The following ZNF804A variants were observed in gnomAD, a reference collection of about 807,000 sequenced individuals.
The protein encoded by ZNF804A is zinc finger protein 804A.
In ZNF804A, 2 loss-of-function variants were observed where a neutral mutation model predicts 16.5. That is an observed-to-expected ratio of 0.12 (90% CI 0.05 to 0.38). The LOEUF (loss-of-function observed/expected upper bound fraction) is 0.38, where lower values mean the gene tolerates loss of function less well. Ranked by LOEUF, ZNF804A falls within the 10% of genes least tolerant of loss-of-function variation. The pLI, the probability that ZNF804A is intolerant of heterozygous loss-of-function variation, is 0.99. For missense variants in ZNF804A, 1,473 were observed against 1,390.7 expected (o/e 1.06, Z -0.94); for synonymous variants, 534 against 489.6 (o/e 1.09, Z -1.20).
intron 1 of ZNF804A, among the ~76,000 whole-genome samples, chr2:184,715,731 C>G (rs1251585918): frequency 1.3e-5 from 2 of 151,996 alleles, no homozygotes; most frequent in Non-Finnish European, 2.9e-5. Context: ...GACAATTATT[C>G]TATCATGTTC....
At chr2:184,797,754 T>A (rs1694656218) in intron 1 of ZNF804A, among the ~76,000 whole-genome samples, 1 of 152,024 alleles carries the variant, frequency 6.6e-6, no homozygotes, top group South Asian at 2.1e-4. Context: ...TACCTTGGAT[T>A]TTTTGCTCTT....
chr2:184,732,154 G>A (rs1339563672), intron 1 of ZNF804A, among the ~76,000 whole-genome samples: 1 of 151,596 alleles, frequency 6.6e-6, no homozygotes, highest in African/African-American at 2.4e-5. Flanking sequence ...TTCTTTCTAT[G>A]TTATCTTCTA....
At position 184,598,613 on chromosome 2, in the gene ZNF804A, T is replaced by C; in HGVS notation, c.-347T>C. 5.9e-6 allele frequency: 1 copy of C among 170,818 alleles called. No individual in the cohort carries two copies. The highest frequency in any genetic ancestry group is 1.2e-5 in the Non-Finnish European group (1 of 80,646). 10.6% of individuals were successfully genotyped at this position (170,818 alleles called of 1,614,324 possible). On this transcript the variant is annotated 5_prime_UTR_variant, in exon 1 of 4. Coordinates refer to ENST00000302277, the MANE Select transcript of ZNF804A (RefSeq NM_194250.2). ...GCGCGGGCGGCTCCCGCAGCCCCGC[T>C]CCGCCCGGCCACCGCGCGGGCACTG...
chr2:184,852,379 G>A (rs184625830), intron 1 of ZNF804A, among the ~76,000 whole-genome samples: 199 of 150,572 alleles, frequency 1.3e-3, no homozygotes, highest in Middle Eastern at 3.4e-3. Flanking sequence ...TATTTTTCCT[G>A]TCCTGTTGGT....
chr2:184,620,532 G>A (rs1382734931), intron 1 of ZNF804A, among the ~76,000 whole-genome samples: 1 of 151,732 alleles, frequency 6.6e-6, no homozygotes, highest in Non-Finnish European at 1.5e-5. Flanking sequence ...TCATCAGATT[G>A]AATTAAACAG....
intron 1 of ZNF804A, among the ~76,000 whole-genome samples, chr2:184,723,479 A>G (rs984191657): frequency 1.3e-5 from 2 of 151,804 alleles, no homozygotes; most frequent in Non-Finnish European, 3.0e-5. Context: ...CATACATCAT[A>G]GAAGTTACTT....
intron 2 of ZNF804A, among the ~76,000 whole-genome samples, chr2:184,924,796 C>T (rs1057484980): frequency 1.6e-4 from 25 of 151,888 alleles, no homozygotes; most frequent in African/African-American, 5.8e-4. Context: ...TCTTTATTGA[C>T]CTACTGATCA....
chr2:184,935,654 G>C, intron 3 of ZNF804A, 129 bp from the exon 4 acceptor site: 1 of 1,067,836 alleles, frequency 9.4e-7, no homozygotes, highest in Non-Finnish European at 1.3e-6. Context: ...ACCATATGAA[G>C]GCAATTCTGT....
At chr2:184,728,131 A>C (rs1021168460) in intron 1 of ZNF804A, among the ~76,000 whole-genome samples, 38 of 151,758 alleles carry the variant, frequency 2.5e-4, no homozygotes, top group African/African-American at 8.4e-4. Flanking sequence ...AAAAATGAAG[A>C]AGGTATTTAC....
chr2:184,762,111 T>C (rs1219895133), intron 1 of ZNF804A, among the ~76,000 whole-genome samples: 1 of 151,988 alleles, frequency 6.6e-6, no homozygotes, highest in Non-Finnish European at 1.5e-5. Flanking sequence ...TCACATTGTC[T>C]CCTCCTTCAT....
intron 1 of ZNF804A, among the ~76,000 whole-genome samples, chr2:184,804,021 C>A (rs1209642434): frequency 1.3e-5 from 2 of 152,008 alleles, no homozygotes; most frequent in Non-Finnish European, 2.9e-5. Context: ...CGCCAACATG[C>A]CTGGCTAATT....
In ZNF804A at chr2:184,880,467, T is replaced by TA. The variant is rs1558991081; in HGVS notation, c.255+13955_255+13956insA. 7.7e-3 allele frequency among the ~76,000 whole-genome samples: 1,163 copies of TA among 151,942 alleles called. 19 individuals carry two copies. The highest frequency in any genetic ancestry group is 0.027 in the African/African-American group (1,125 of 41,414). On this transcript the variant is annotated intron_variant, in intron 2 of 3. Coordinates refer to ENST00000302277, the MANE Select transcript of ZNF804A (RefSeq NM_194250.2). ...AGCTTCTATTGTTAAGACACATTTT[T>TA]TAAAAAAAAATTAGACTTGGGAGAA...
At chr2:184,907,467 C>T (rs1685294965) in intron 2 of ZNF804A, among the ~76,000 whole-genome samples, 2 of 152,120 alleles carry the variant, frequency 1.3e-5, no homozygotes, top group South Asian at 2.1e-4. Flanking sequence ...AGAAGTATTA[C>T]ATATCCCATA....
At chr2:184,772,342 T>C (rs887054492) in intron 1 of ZNF804A, among the ~76,000 whole-genome samples, 3 of 151,720 alleles carry the variant, frequency 2.0e-5, no homozygotes, top group Non-Finnish European at 4.4e-5. Context: ...CCATTTCCCA[T>C]CTCTATAGGT....
chr2:184,910,093 T>G (rs1463476148), intron 2 of ZNF804A, among the ~76,000 whole-genome samples: 1 of 152,016 alleles, frequency 6.6e-6, no homozygotes, highest in African/African-American at 2.4e-5. Context: ...ATTACCCAGG[T>G]AGTGAACATA....
chr2:184,741,818 A>G (rs561416041), intron 1 of ZNF804A, among the ~76,000 whole-genome samples: 2 of 152,256 alleles, frequency 1.3e-5, no homozygotes, highest in South Asian at 4.1e-4. Flanking sequence ...ATTGTGATAA[A>G]CTGGTCATTC....
At chr2:184,776,767 C>T (rs1288503838) in intron 1 of ZNF804A, among the ~76,000 whole-genome samples, 2 of 151,366 alleles carry the variant, frequency 1.3e-5, no homozygotes, top group African/African-American at 4.8e-5. Flanking sequence ...AGTTTTGCAC[C>T]TATTGGACAT....
chr2:184,734,125 A>G (rs539465475), intron 1 of ZNF804A, among the ~76,000 whole-genome samples: 32 of 152,114 alleles, frequency 2.1e-4, no homozygotes, highest in African/African-American at 5.3e-4. Flanking sequence ...CCCAGGCTGG[A>G]GTGCAGTGGT....
intron 1 of ZNF804A, among the ~76,000 whole-genome samples, chr2:184,663,350 G>A (rs1045275037): frequency 2.6e-5 from 4 of 152,108 alleles, no homozygotes; most frequent in Middle Eastern, 3.2e-3. Flanking sequence ...TGCACGTGCC[G>A]GGTGGTGCTG....
Sources: gnomAD v4.1 joint callset for allele counts (sites outside exome capture counted in the v4.1 genomes callset) on GRCh38, gnomAD v4.1.1 for gene constraint, MANE v1.5 for transcripts, NCBI Gene and HGNC (gene_info 2026-07-23, HGNC 2026-07-21) for gene names.